The following DMXL1 variants were observed in gnomAD, a reference collection of about 807,000 sequenced individuals.
DMXL1 encodes Dmx like 1, also known as dmX-like protein 1.
Under a neutral mutation model 319.2 loss-of-function variants are expected in DMXL1, and 99 were observed. The observed-to-expected ratio is 0.31, with a 90% CI of 0.26 to 0.37. The LOEUF (loss-of-function observed/expected upper bound fraction) is 0.37. Among genes scored for constraint, DMXL1 ranks in the 10% least tolerant of loss-of-function variants. The probability of loss-of-function intolerance (pLI) is 1.00; values close to 1 mark genes in which losing one functional copy is unlikely to be tolerated. For missense variants in DMXL1, 3,745 were observed against 3,595.6 expected (o/e 1.04, Z -1.06); for synonymous variants, 1,385 against 1,235.2 (o/e 1.12, Z -2.54).
intron 1 of DMXL1, among the ~76,000 whole-genome samples, chr5:119,080,118 G>A (rs537922872): frequency 8.5e-5 from 13 of 152,258 alleles, no homozygotes; most frequent in African/African-American, 2.9e-4. Context: ...AGGCTGAGGC[G>A]GGTGGATTGC....
chr5:119,109,635 C>T (rs1204569321), intron 4 of DMXL1, among the ~76,000 whole-genome samples: 1 of 152,168 alleles, frequency 6.6e-6, no homozygotes, highest in Non-Finnish European at 1.5e-5. Flanking sequence ...TGTCTTCATG[C>T]CTTTGTTCAT....
At chr5:119,245,832 G>A (rs910396648) in intron 43 of DMXL1, among the ~76,000 whole-genome samples, 5 of 151,726 alleles carry the variant, frequency 3.3e-5, no homozygotes, top group South Asian at 4.2e-4. Context: ...GTGAGCCACC[G>A]CACCTGGCCT....
intron 13 of DMXL1, among the ~76,000 whole-genome samples, chr5:119,136,226 T>C (rs1226214790): frequency 6.6e-6 from 1 of 152,198 alleles, no homozygotes; most frequent in Non-Finnish European, 1.5e-5. Flanking sequence ...GAGAGATGAT[T>C]TAGGTTATCT....
chr5:119,190,729 G>A lies in DMXL1; in HGVS notation c.7314+843G>A, dbSNP rs576818406. On this transcript the variant is annotated intron_variant, in intron 29 of 43. Coordinates refer to ENST00000539542, the MANE Select transcript of DMXL1 (RefSeq NM_001290321.3). ...CCATTTGAAAGACTCTAGATGAACA[G>A]CCAGAGGAATTTAGTGAAAGTGAAC... 2.6e-5 allele frequency among the ~76,000 whole-genome samples: 4 copies of A among 152,322 alleles called. No individual in the cohort carries two copies. The South Asian group carries it at 6.2e-4, about 24-fold the overall frequency.
intron 17 of DMXL1, 96 bp from the exon 18 acceptor site, chr5:119,148,643 A>G (rs557590665): frequency 1.3e-5 from 16 of 1,188,220 alleles, no homozygotes; most frequent in Admixed American, 2.3e-5. Flanking sequence ...GTTCATATTT[A>G]TAGTAGTTAA....
intron 13 of DMXL1, among the ~76,000 whole-genome samples, chr5:119,136,291 G>A (rs746046027): frequency 6.6e-6 from 1 of 152,210 alleles, no homozygotes; most frequent in Non-Finnish European, 1.5e-5. Flanking sequence ...GGCTTATTCT[G>A]AATGCATTCA....
chr5:119,174,238 G>T (rs1775336762), intron 25 of DMXL1, among the ~76,000 whole-genome samples: 1 of 152,266 alleles, frequency 6.6e-6, no homozygotes, highest in South Asian at 2.1e-4. Flanking sequence ...GTCACACCTA[G>T]ATTTTTTTCA....
intron 9 of DMXL1, among the ~76,000 whole-genome samples, chr5:119,124,658 C>T (rs887335541): frequency 2.7e-5 from 4 of 149,124 alleles, no homozygotes; most frequent in South Asian, 2.1e-4. Flanking sequence ...CTCTGCCTCT[C>T]GGGTTCAAGT....
Position 119,149,675 on chromosome 5 carries a change from C to T in DMXL1, c.3848C>T (p.Thr1283Ile). The T allele has an allele frequency of 6.2e-7, 1 of 1,613,976 alleles. No individual in the cohort carries two copies. Among genetic ancestry groups the T allele is most frequent in the Non-Finnish European group, 8.5e-7 (1 of 1,179,930 alleles). ...SGLHPPKKTLTRSMTSLAQKI... is the reference protein window; with the variant it reads ...SGLHPPKKTLIRSMTSLAQKI... ...TTACATCCTCCAAAGAAAACTCTGACTCGATCCATGACCAGTCTTGCACAG... is the reference window on the plus strand; with the variant it reads ...TTACATCCTCCAAAGAAAACTCTGATTCGATCCATGACCAGTCTTGCACAG... The change falls in exon 18 of 44, where the codon ACT becomes ATT. Residue 1283 changes from threonine (T) to isoleucine (I), a missense_variant. By Grantham distance (89) the Thr-to-Ile change is moderately conservative. Around this residue, in one of 4 missense-constraint regions of DMXL1, gnomAD observed 2,096 missense variants for 1,985.4 expected, o/e 1.06. Transcript: ENST00000539542.
rs369711551 is a variant in DMXL1, at chr5:119,170,797, T to C, written c.6006T>C (p.Ser2002=). The C allele has an allele frequency of 1.2e-4, 198 of 1,611,860 alleles. No individual in the cohort carries two copies. The highest frequency in any genetic ancestry group is 1.6e-4 in the Non-Finnish European group (184 of 1,179,600). The change falls in exon 24 of 44, where the codon TCT becomes TCC. Residue 2002 remains serine, a synonymous_variant. Transcript: ENST00000539542. Reference sequence around the variant, plus strand: ...ATAAAAAGTTGGATGACATAAGTTCTAACTACACAGAATCTTTCAGCACAC... The same window carrying C: ...ATAAAAAGTTGGATGACATAAGTTCCAACTACACAGAATCTTTCAGCACAC... ...KTDKKLDDIS[S]NYTESFSTLD...
intron 20 of DMXL1, 32 bp from the exon 21 acceptor site, chr5:119,165,151 G>A (rs1335427681): frequency 9.0e-6 from 12 of 1,326,592 alleles, no homozygotes; most frequent in South Asian, 1.3e-5. Flanking sequence ...AACTGTTTCT[G>A]TGAAATTTTG....
At chr5:119,201,414 A>G (rs1050161988) in intron 32 of DMXL1, among the ~76,000 whole-genome samples, 2 of 152,168 alleles carry the variant, frequency 1.3e-5, no homozygotes, top group Non-Finnish European at 2.9e-5. Context: ...CTGGGAATGA[A>G]GCCTACTTGA....
intron 6 of DMXL1, among the ~76,000 whole-genome samples, chr5:119,115,218 C>T (rs770650521): frequency 6.6e-6 from 1 of 152,038 alleles, no homozygotes; most frequent in Non-Finnish European, 1.5e-5. Flanking sequence ...ATAGAGTGAC[C>T]GGCACAGTGC....
At chr5:119,098,508 G>A (rs1397986923) in intron 2 of DMXL1, among the ~76,000 whole-genome samples, 1 of 151,832 alleles carries the variant, frequency 6.6e-6, no homozygotes, top group African/African-American at 2.4e-5. Context: ...ATGTAACAAG[G>A]GCTGTGTAAC....
At chr5:119,124,430 T>G (rs763225244) in intron 9 of DMXL1, among the ~76,000 whole-genome samples, 30 of 152,274 alleles carry the variant, frequency 2.0e-4, no homozygotes, top group Admixed American at 5.9e-4. Context: ...TCAGTCTTAA[T>G]GCTAACAAAT....
chr5:119,203,233 A>G, intron 32 of DMXL1, 86 bp from the exon 33 acceptor site: 1 of 838,636 alleles, frequency 1.2e-6, no homozygotes, highest in South Asian at 2.0e-5. Flanking sequence ...TTAATTTATT[A>G]TAATTTATAT....
chr5:119,183,972 G>A (rs982882418), intron 28 of DMXL1, among the ~76,000 whole-genome samples: 1 of 152,002 alleles, frequency 6.6e-6, no homozygotes, highest in African/African-American at 2.4e-5. Flanking sequence ...CACTGCTAAA[G>A]CCTGATGACA....
chr5:119,084,773 A>T (rs2149708288), intron 1 of DMXL1, among the ~76,000 whole-genome samples: 1 of 151,728 alleles, frequency 6.6e-6, no homozygotes, highest in African/African-American at 2.4e-5. Context: ...GCGAGGCAGG[A>T]GAATTGCTTG....
At chr5:119,098,452 T>A (rs1756484842) in intron 2 of DMXL1, among the ~76,000 whole-genome samples, 1 of 145,746 alleles carries the variant, frequency 6.9e-6, no homozygotes, top group Admixed American at 6.7e-5. Flanking sequence ...TTAGAATATT[T>A]TTTTTTTTTT....
Sources: gnomAD v4.1 joint callset for allele counts (sites outside exome capture counted in the v4.1 genomes callset) on GRCh38, gnomAD v4.1.1 for gene constraint, gnomAD v4.1.1 regional missense constraint, MANE v1.5 for transcripts, NCBI Gene and HGNC (gene_info 2026-07-23, HGNC 2026-07-21) for gene names.